The following ATG7 variants were observed in gnomAD, a reference collection of about 807,000 sequenced individuals.
ATG7 encodes autophagy related 7, also known as ubiquitin-like modifier-activating enzyme ATG7.
Under a neutral mutation model 82.4 loss-of-function variants are expected in ATG7, and 70 were observed. The observed-to-expected ratio is 0.85, with a 90% CI of 0.70 to 1.04. ATG7 has a LOEUF of 1.04. Ranked by LOEUF, ATG7 falls within the 50% of genes least tolerant of loss-of-function variation. The pLI is 0.00. For missense variants in ATG7, 792 were observed against 864.3 expected, an observed-to-expected ratio of 0.92 and a Z score of 1.05; for synonymous variants, 287 against 313.0, an observed-to-expected ratio of 0.92 and a Z score of 0.88.
chr3:11,460,348 G>C (rs2086186966), intron 20 of ATG7, among the ~76,000 whole-genome samples: 5 of 152,262 alleles, frequency 3.3e-5, no homozygotes, highest in Admixed American at 2.6e-4. Flanking sequence ...AGCTTCTCTT[G>C]TGTGCCAGCT....
intron 6 of ATG7, among the ~76,000 whole-genome samples, chr3:11,307,446 A>G (rs1947936226): frequency 6.6e-6 from 1 of 152,196 alleles, no homozygotes; most frequent in Non-Finnish European, 1.5e-5. Context: ...AATCCTGTGC[A>G]CCATGGCGGT....
intron 3 of ATG7, among the ~76,000 whole-genome samples, chr3:11,285,519 T>A (rs187222844): frequency 1.3e-5 from 2 of 152,250 alleles, no homozygotes; most frequent in East Asian, 1.9e-4. Context: ...AGTGCACTGA[T>A]AGCAAATGTT....
At chr3:11,407,573 G>A (rs1186015918) in intron 19 of ATG7, among the ~76,000 whole-genome samples, 1 of 152,210 alleles carries the variant, frequency 6.6e-6, no homozygotes, top group Non-Finnish European at 1.5e-5. Context: ...TTCTCCATGA[G>A]GACCCCACCC....
At chr3:11,327,013 C>G (rs1400256132) in intron 9 of ATG7, among the ~76,000 whole-genome samples, 5 of 152,210 alleles carry the variant, frequency 3.3e-5, no homozygotes. Context: ...AGGTCTGCGT[C>G]AGTCAGGCAT....
chr3:11,463,081 T>G (rs1246500198), intron 20 of ATG7, among the ~76,000 whole-genome samples: 1 of 151,890 alleles, frequency 6.6e-6, no homozygotes, highest in African/African-American at 2.4e-5. Flanking sequence ...GATGGGGTTT[T>G]GCCATGTTGA....
chr3:11,348,193 G>A, intron 14 of ATG7, 158 bp downstream of exon 14: 1 of 1,069,526 alleles, frequency 9.3e-7, no homozygotes, highest in South Asian at 1.7e-5. Context: ...ATCTCAGAGA[G>A]GGATAAAAAA....
At chr3:11,296,600 A>G (rs1365260340) in intron 3 of ATG7, among the ~76,000 whole-genome samples, 1 of 152,110 alleles carries the variant, frequency 6.6e-6, no homozygotes, top group East Asian at 1.9e-4. Context: ...CTCCTCCAAA[A>G]TTCGTTAGCC....
chr3:11,296,752 C>T (rs1388765086), intron 3 of ATG7, among the ~76,000 whole-genome samples: 1 of 152,306 alleles, frequency 6.6e-6, no homozygotes, highest in African/African-American at 2.4e-5. Flanking sequence ...TTCCTCTGCT[C>T]TTCTTGTTCC....
In ATG7 at chr3:11,332,190, C is replaced by T. The variant is rs1951750336; in HGVS notation, c.767+762C>T. On this transcript the variant is annotated intron_variant, in intron 10 of 20. Transcript: ENST00000693202. The stretch of plus-strand genomic sequence containing the variant: ...AAGTATATCCCTTATGATGAAATGT[C>T]ATATACAATGAATCTGAGTGAACTA... Among the ~76,000 whole-genome samples the T allele has an allele frequency of 5.6e-3, 3 of 540 alleles. No homozygotes were observed. In the South Asian group the frequency reaches 0.12, roughly 22 times the overall value. The allele number at this position is 540 out of a possible 152,430, so 0.4% of individuals were successfully genotyped here. A position where few individuals can be genotyped will look rare whatever the true frequency, so the allele number is the denominator to read the frequency against.
chr3:11,541,905 T>C (rs1421590968), intron 20 of ATG7, among the ~76,000 whole-genome samples: 3 of 152,266 alleles, frequency 2.0e-5, no homozygotes, highest in Non-Finnish European at 4.4e-5. Context: ...TCGTTTAAAA[T>C]GTGGGCCAAA....
At chr3:11,453,080 T>C (rs371214163) in intron 20 of ATG7, among the ~76,000 whole-genome samples, 2 of 152,270 alleles carry the variant, frequency 1.3e-5, no homozygotes, top group East Asian at 3.9e-4. Context: ...AATCTACAGC[T>C]CTGTCCACCA....
chr3:11,311,799 T>C (rs1056247696), intron 7 of ATG7, among the ~76,000 whole-genome samples: 9 of 152,062 alleles, frequency 5.9e-5, no homozygotes, highest in African/African-American at 2.2e-4. Context: ...CAGTTCATTT[T>C]GCCATTGTGA....
At position 11,491,145 on chromosome 3, in the gene ATG7, A is replaced by G. The variant is rs1231703464; in HGVS notation, c.2080-63666A>G. On this transcript the variant is annotated intron_variant, in intron 20 of 20. Coordinates refer to ENST00000693202, the MANE Select transcript of ATG7 (RefSeq NM_001349232.2). ...AGATTTGGTCTTTTCACATAGTCCC[A>G]TATTTCTTGGAGGCTTTGTTCGTTT... is the stretch of plus-strand genomic sequence containing the variant. 6.6e-5 allele frequency among the ~76,000 whole-genome samples: 10 copies of G among 152,128 alleles called. No individual in the cohort carries two copies. The East Asian group carries it at 1.9e-3, about 29-fold the overall frequency.
chr3:11,306,266 G>T (rs1412697192), intron 5 of ATG7, among the ~76,000 whole-genome samples: 6 of 152,222 alleles, frequency 3.9e-5, no homozygotes, highest in Admixed American at 3.9e-4. Context: ...TTTGGGGTGG[G>T]CTAGGTTGTG....
the ATG7 span, among the ~76,000 whole-genome samples, chr3:11,570,293 C>T: frequency 1.3e-5 from 2 of 152,186 alleles, no homozygotes; most frequent in African/African-American, 2.4e-5. Context: ...GAGGCCTTTC[C>T]GACCCACCAG....
At chr3:11,352,729 G>A (rs1449910816) in intron 14 of ATG7, among the ~76,000 whole-genome samples, 1 of 152,214 alleles carries the variant, frequency 6.6e-6, no homozygotes, top group Non-Finnish European at 1.5e-5. Context: ...ATGCTAAAAG[G>A]GATAAGTAGA....
chr3:11,458,876 C>G (rs1374321418), intron 20 of ATG7, among the ~76,000 whole-genome samples: 1 of 152,172 alleles, frequency 6.6e-6, no homozygotes, highest in Admixed American at 6.5e-5. Flanking sequence ...CGCCTGTGCT[C>G]TGCCTCCTGT....
chr3:11,563,930 A>T, the ATG7 span, among the ~76,000 whole-genome samples: 2 of 152,172 alleles, frequency 1.3e-5, no homozygotes, highest in Non-Finnish European at 2.9e-5. Flanking sequence ...AGACACGGAC[A>T]CCAGGCAGTG....
chr3:11,547,710 A>G (rs2125050076), intron 20 of ATG7, among the ~76,000 whole-genome samples: 1 of 152,330 alleles, frequency 6.6e-6, no homozygotes, highest in East Asian at 1.9e-4. Flanking sequence ...CACTGCAGCC[A>G]TCCTAGTGGG....
Sources: allele counts gnomAD v4.1 joint callset (sites outside exome capture counted in the v4.1 genomes callset), GRCh38; gene constraint gnomAD v4.1.1; transcripts MANE v1.5; gene names NCBI Gene and HGNC (gene_info 2026-07-23, HGNC 2026-07-21).